The following ASIC2 variants were observed in gnomAD, a reference collection of about 807,000 sequenced individuals.
ASIC2 encodes the protein acid sensing ion channel subunit 2, also known as acid-sensing ion channel 2.
A neutral mutation model predicts 57.3 loss-of-function variants in ASIC2; 25 were observed. That is an observed-to-expected ratio of 0.44 (90% CI 0.32 to 0.61). The LOEUF (loss-of-function observed/expected upper bound fraction) is 0.61, where lower values mean the gene tolerates loss of function less well. Among genes scored for constraint, ASIC2 ranks in the 20% least tolerant of loss-of-function variants. The probability of loss-of-function intolerance (pLI) is 0.06; values close to 1 mark genes in which losing one functional copy is unlikely to be tolerated. For synonymous variants in ASIC2, 319 were observed against 307.5 expected (o/e 1.04, Z -0.39); for missense variants, 641 against 738.1 (o/e 0.87, Z 1.52).
chr17:33,177,378 G>T (rs578242217), intron 1 of ASIC2, among the ~76,000 whole-genome samples: 3 of 152,332 alleles, frequency 2.0e-5, no homozygotes, highest in Admixed American at 6.5e-5. Flanking sequence ...GAAAGAAGAA[G>T]TATGATGCTG....
intron 1 of ASIC2, among the ~76,000 whole-genome samples, chr17:33,463,873 C>T (rs933151753): frequency 3.3e-5 from 5 of 152,176 alleles, no homozygotes; most frequent in Admixed American, 6.5e-5. Flanking sequence ...TATGTATCTT[C>T]ATGTCTCCAG....
chr17:33,229,869 A>C (rs1418472094), intron 1 of ASIC2, among the ~76,000 whole-genome samples: 1 of 152,198 alleles, frequency 6.6e-6, no homozygotes, highest in Non-Finnish European at 1.5e-5. Flanking sequence ...GCTCCCTATC[A>C]ACCAAAATAT....
intron 1 of ASIC2, chr17:34,037,413 C>T: frequency 1.9e-6 from 1 of 517,806 alleles, no homozygotes; most frequent in South Asian, 3.1e-5. Flanking sequence ...GGGCCTTTTC[C>T]TACAAGGCCT....
intron 1 of ASIC2, among the ~76,000 whole-genome samples, chr17:33,404,147 TAGG>T (rs1278487232): frequency 6.6e-6 from 1 of 152,186 alleles, no homozygotes; most frequent in East Asian, 1.9e-4. Flanking sequence ...AGTAAAAGAC[TAGG>T]CATGCTTAGT....
chr17:33,448,398 A>G (rs1912117936), intron 1 of ASIC2, among the ~76,000 whole-genome samples: 1 of 152,210 alleles, frequency 6.6e-6, no homozygotes, highest in Non-Finnish European at 1.5e-5. Context: ...GATTTTGCAT[A>G]TATGAATAAA....
chr17:33,948,511 C>T (rs370238248), intron 1 of ASIC2, among the ~76,000 whole-genome samples: 21 of 152,176 alleles, frequency 1.4e-4, no homozygotes, highest in African/African-American at 4.8e-4. Flanking sequence ...TGCCCACTCC[C>T]GCCAGGATCA....
chr17:33,865,634 A>T (rs1193272347), intron 1 of ASIC2, among the ~76,000 whole-genome samples: 1 of 151,904 alleles, frequency 6.6e-6, no homozygotes, highest in East Asian at 1.9e-4. Flanking sequence ...GCATTGGGAG[A>T]TATACCTAAT....
chr17:34,133,206 C>A (rs1227612582), intron 1 of ASIC2, among the ~76,000 whole-genome samples: 1 of 151,922 alleles, frequency 6.6e-6, no homozygotes, highest in African/African-American at 2.4e-5. Context: ...ATTTTAGAAG[C>A]AATGAAAGGG....
intron 1 of ASIC2, among the ~76,000 whole-genome samples, chr17:33,856,540 G>A (rs1301675933): frequency 6.6e-5 from 1 of 15,166 alleles, no homozygotes; most frequent in African/African-American, 1.8e-4. Flanking sequence ...AGTGGTAGTA[G>A]TGGCAGTAGC....
At chr17:33,347,461 T>C (rs541353137) in intron 1 of ASIC2, among the ~76,000 whole-genome samples, 1 of 152,280 alleles carries the variant, frequency 6.6e-6, no homozygotes, top group East Asian at 1.9e-4. Context: ...CAACACCAAG[T>C]GCCGGTTTGA....
intron 1 of ASIC2, among the ~76,000 whole-genome samples, chr17:34,032,312 TGA>T (rs1907652498): frequency 6.6e-6 from 1 of 152,164 alleles, no homozygotes; most frequent in African/African-American, 2.4e-5. Context: ...AAGCAAATGC[TGA>T]GAGATTTTGT....
intron 1 of ASIC2, among the ~76,000 whole-genome samples, chr17:33,769,115 C>A (rs1453780959): frequency 6.6e-6 from 1 of 152,256 alleles, no homozygotes; most frequent in Non-Finnish European, 1.5e-5. Context: ...GGCTGTCACA[C>A]TGGCCCTTTG....
intron 1 of ASIC2, among the ~76,000 whole-genome samples, chr17:33,249,834 C>T (rs1908819962): frequency 6.6e-6 from 1 of 152,176 alleles, no homozygotes; most frequent in Non-Finnish European, 1.5e-5. Context: ...GGGGAAGCTG[C>T]TGAACACCTC....
intron 1 of ASIC2, among the ~76,000 whole-genome samples, chr17:33,156,210 C>T (rs999161599): frequency 6.6e-6 from 1 of 151,784 alleles, no homozygotes; most frequent in East Asian, 2.0e-4. Context: ...TCACTGCAAC[C>T]TCCGCCCTGC....
chr17:33,197,182 T>C (rs1050508831), intron 1 of ASIC2, among the ~76,000 whole-genome samples: 18 of 152,238 alleles, frequency 1.2e-4, no homozygotes, highest in African/African-American at 4.1e-4. Flanking sequence ...TTCCCTGCTC[T>C]GGCACTGTGA....
At chr17:33,546,380 A>T (rs1421780870) in intron 1 of ASIC2, among the ~76,000 whole-genome samples, 1 of 152,082 alleles carries the variant, frequency 6.6e-6, no homozygotes, top group Non-Finnish European at 1.5e-5. Flanking sequence ...TGTAAAATGG[A>T]GATAGGAGAA....
chr17:33,152,586 G>A (rs1391526126), intron 1 of ASIC2, among the ~76,000 whole-genome samples: 1 of 152,212 alleles, frequency 6.6e-6, no homozygotes, highest in African/African-American at 2.4e-5. Flanking sequence ...GCACAGGGAG[G>A]TGGGAGAGAG....
intron 1 of ASIC2, among the ~76,000 whole-genome samples, chr17:33,576,027 A>G (rs1916610859): frequency 6.6e-6 from 1 of 152,198 alleles, no homozygotes; most frequent in South Asian, 2.1e-4. Context: ...TTAAATAAAA[A>G]ACTGGACACA....
At chr17:33,519,399 TG>T (rs1914674537) in intron 1 of ASIC2, among the ~76,000 whole-genome samples, 1 of 152,172 alleles carries the variant, frequency 6.6e-6, no homozygotes, top group Non-Finnish European at 1.5e-5. Context: ...CTCGGGCTTG[TG>T]GGGCAGCTTT....
Sources: allele counts gnomAD v4.1 joint callset (sites outside exome capture counted in the v4.1 genomes callset), GRCh38; gene constraint gnomAD v4.1.1; transcripts MANE v1.5; gene names NCBI Gene and HGNC (gene_info 2026-07-23, HGNC 2026-07-21).